Variants in LMTK3 observed in about 807,000 individuals in gnomAD.
The protein encoded by LMTK3 is serine/threonine-protein kinase LMTK3.
LMTK3 carries 27 observed loss-of-function variants against 116.7 expected under a neutral mutation model. That is an observed-to-expected ratio of 0.23 (90% CI 0.17 to 0.32). The LOEUF (loss-of-function observed/expected upper bound fraction) is 0.32. Ranked by LOEUF, LMTK3 falls within the 10% of genes least tolerant of loss-of-function variation. The pLI, the probability that LMTK3 is intolerant of heterozygous loss-of-function variation, is 1.00. For synonymous variants in LMTK3, 965 were observed against 971.0 expected (o/e 0.99, Z 0.11); for missense variants, 1,764 against 2,068.5 (o/e 0.85, Z 2.86).
rs1972293113 is a variant in LMTK3 at position 48,494,621 on chromosome 19, A to G, written c.3677-512T>C. Among the ~76,000 whole-genome samples the G allele has an allele frequency of 6.6e-6, 1 of 151,720 alleles. No homozygotes were observed. The highest frequency in any genetic ancestry group is 2.4e-5 in the African/African-American group (1 of 41,240). On this transcript the variant is annotated intron_variant, in intron 11 of 14. Transcript: ENST00000600059. The surrounding 1 kb of genome is among the most constrained non-coding windows in gnomAD (Gnocchi z 4.0). Reference sequence around the variant, plus strand: ...TGGGATTACAGGCATGAGCCACCACACCCGGCCAGATCCACCTCTCTGAGC... The same window carrying G: ...TGGGATTACAGGCATGAGCCACCACGCCCGGCCAGATCCACCTCTCTGAGC...
In LMTK3 at chr19:48,497,943, C is replaced by T. The variant is rs771721210; in HGVS notation, c.3126G>A (p.Thr1042=). Residue 1042 remains threonine, a synonymous_variant, in exon 11 of 15, where the codon ACG becomes ACA. Transcript: ENST00000600059. The surrounding 1 kb of genome is among the most constrained non-coding windows in gnomAD (Gnocchi z 5.7). The part of the protein sequence containing the change: ...KTPESWGPAP[T]IGEPAPETSL... ...AGGTCTCTGGGGCTGGCTCCCCGAT[C>T]GTGGGGGCTGGACCCCAACTCTCGG... 1.3e-6 allele frequency: 2 copies of T among 1,555,444 alleles called. No individual in the cohort carries two copies. The highest frequency in any genetic ancestry group is 2.1e-5 in the Admixed American group (1 of 48,682).
At chr19:48,496,595 G>C (rs912065884) in intron 11 of LMTK3, among the ~76,000 whole-genome samples, 2 of 150,800 alleles carry the variant, frequency 1.3e-5, no homozygotes, top group Admixed American at 6.6e-5. Flanking sequence ...CACCCACCAT[G>C]CCCGGCCCAT....
At chr19:48,499,982 G>A in intron 10 of LMTK3, 65 bp from the exon 11 acceptor site, 2 of 1,460,886 alleles carry the variant, frequency 1.4e-6, no homozygotes, top group Non-Finnish European at 1.8e-6. Context: ...ACCCAGGGAG[G>A]GGACAGACAA....
chr19:48,498,688 C>T lies in LMTK3; in HGVS notation c.2381G>A (p.Gly794Asp). 6.5e-7 allele frequency: 1 copy of T among 1,535,750 alleles called. No individual in the cohort carries two copies. The highest frequency in any genetic ancestry group is 8.7e-7 in the Non-Finnish European group (1 of 1,145,582). ...SSPGPKPGDSGYETETPFSPE... is the reference protein window; with the variant it reads ...SSPGPKPGDSDYETETPFSPE... ...GGAAAAAGGGGTCTCGGTCTCGTAG[C>T]CGCTGTCCCCCGGCTTGGGGCCCGG... The change falls in exon 11 of 15, where the codon GGC becomes GAC. Residue 794 changes from glycine to aspartate, a missense_variant. Gly to Asp is a moderately conservative substitution (Grantham distance 94, BLOSUM62 -1). Around this residue, in one of 7 missense-constraint regions of LMTK3, gnomAD observed 1,028 missense variants for 1,050.6 expected, o/e 0.98. Transcript: ENST00000600059.
At chr19:48,502,709 C>A in intron 6 of LMTK3, 128 bp from the exon 7 acceptor site, 2 of 1,182,276 alleles carry the variant, frequency 1.7e-6, no homozygotes, top group Non-Finnish European at 2.3e-6. Context: ...CTGCTGCTTG[C>A]AGCAGGTAAT....
chr19:48,508,970 C>T lies in LMTK3; in HGVS notation c.439-1G>A. The T allele has an allele frequency of 6.3e-7, 1 of 1,599,330 alleles. No individual in the cohort carries two copies. On this transcript the variant is annotated splice_acceptor_variant, in intron 4 of 14. Transcript: ENST00000600059. LOFTEE classifies it high-confidence loss of function. ...CGGAGAAAATCTCTCCCAGGATCAC[C>T]TGGTCAAGGGGCACCCAGGAGTCAG...
At chr19:48,490,889 T>C (rs888269255) in intron 14 of LMTK3, among the ~76,000 whole-genome samples, 1 of 151,288 alleles carries the variant, frequency 6.6e-6, no homozygotes, top group Admixed American at 6.6e-5. Context: ...GGCTCGGGGG[T>C]TGGGGACGGC....
chr19:48,497,688 G>A lies in LMTK3; in HGVS notation c.3381C>T (p.Pro1127=), dbSNP rs1972357073. Residue 1127 remains proline (P), a synonymous_variant, in exon 11 of 15, where the codon CCC becomes CCT. Coordinates refer to ENST00000600059, the MANE Select transcript of LMTK3 (RefSeq NM_001388485.1). This position sits in a 1 kb window ranked among gnomAD's most constrained non-coding sequence, Gnocchi z 5.7. ...VGTGTAPGGG[P]GSGVDAKAGW... is the part of the protein sequence containing the mutation. Reference sequence around the variant, plus strand: ...CGGCCTTTGCGTCCACGCCGCTTCCGGGGCCGCCGCCGGGGGCCGTCCCCG... The same window carrying A: ...CGGCCTTTGCGTCCACGCCGCTTCCAGGGCCGCCGCCGGGGGCCGTCCCCG... The A allele has an allele frequency of 3.8e-6, 5 of 1,312,972 alleles. No individual in the cohort carries two copies. The highest frequency in any genetic ancestry group is 2.3e-5 in the South Asian group (1 of 42,950). 81.3% of individuals were successfully genotyped at this position (1,312,972 alleles called of 1,614,324 possible).
In LMTK3 at chr19:48,497,306, G is replaced by T; in HGVS notation, c.3676+87C>A. ...GACCTGCATTCATCACTGCCAGCCC[G>T]ACCCGACATGTTTACCCACACTCAC... On this transcript the variant is annotated intron_variant, in intron 11 of 14. Transcript: ENST00000600059. This position sits in a 1 kb window ranked among gnomAD's most constrained non-coding sequence, Gnocchi z 5.7. 2.2e-6 allele frequency: 3 copies of T among 1,343,604 alleles called. No individual in the cohort carries two copies. The South Asian group carries it at 6.2e-5, about 28-fold the overall frequency. The allele number at this position is 1,343,604 out of a possible 1,614,324, so 83.2% of individuals were successfully genotyped here. A position where few individuals can be genotyped will look rare whatever the true frequency, so the allele number is the denominator to read the frequency against.
In LMTK3 at chr19:48,498,517, G is replaced by A; in HGVS notation, c.2552C>T (p.Pro851Leu). Residue 851 changes from proline (P) to leucine (L), a missense_variant, in exon 11 of 15, where the codon CCG becomes CTG. By Grantham distance (98) the Pro-to-Leu change is moderately conservative. Transcript: ENST00000600059. ...CGTGCTCACTTGAACCACGAAGGTC[G>A]GCTTCTCCCGGGGCCCCGGGAGTGG... ...PLPLPGPREKPTFVVQVSTEQ... is the reference protein window; with the variant it reads ...PLPLPGPREKLTFVVQVSTEQ... The A allele has an allele frequency of 6.3e-7, 1 of 1,580,772 alleles. No homozygotes were observed. Among genetic ancestry groups the A allele is most frequent in the Non-Finnish European group, 8.6e-7 (1 of 1,163,140 alleles).
chr19:48,504,177 G>A (rs935615484), intron 5 of LMTK3, among the ~76,000 whole-genome samples: 2 of 152,080 alleles, frequency 1.3e-5, no homozygotes, highest in African/African-American at 2.4e-5. Flanking sequence ...CTGCACCTAC[G>A]GTTCTCTCTC....
At chr19:48,510,894 G>A (rs1289718834) in intron 1 of LMTK3, among the ~76,000 whole-genome samples, 2 of 152,188 alleles carry the variant, frequency 1.3e-5, no homozygotes, top group Non-Finnish European at 2.9e-5. Flanking sequence ...AAGGAAAGAG[G>A]AGTGATAGTG....
chr19:48,485,877 C>T (rs1972114219), intron 14 of LMTK3, 88 bp from the exon 15 acceptor site: 2 of 1,349,418 alleles, frequency 1.5e-6, no homozygotes, highest in African/African-American at 2.9e-5. Flanking sequence ...AAGCAAAGCC[C>T]TCACCCACCA....
chr19:48,504,735 A>C (rs1203799145), intron 5 of LMTK3, among the ~76,000 whole-genome samples: 8 of 152,226 alleles, frequency 5.3e-5, no homozygotes, highest in South Asian at 2.1e-4. Flanking sequence ...TTTAGTAGAT[A>C]ATGGGTTTCA....
intron 14 of LMTK3, among the ~76,000 whole-genome samples, chr19:48,486,015 A>G (rs1196360668): frequency 5.0e-5 from 7 of 140,934 alleles, no homozygotes; most frequent in Non-Finnish European, 7.6e-5. Flanking sequence ...GGGTCTTTGC[A>G]CATGCTGTTC....
At chr19:48,487,990 G>C (rs1972155540) in intron 14 of LMTK3, among the ~76,000 whole-genome samples, 1 of 152,100 alleles carries the variant, frequency 6.6e-6, no homozygotes, top group Non-Finnish European at 1.5e-5. Flanking sequence ...CCACACCATG[G>C]TCTTGGGAGC....
chr19:48,487,369 T>C (rs1470805535), intron 14 of LMTK3, among the ~76,000 whole-genome samples: 1 of 151,826 alleles, frequency 6.6e-6, no homozygotes, highest in Non-Finnish European at 1.5e-5. Flanking sequence ...ACAGACGGGG[T>C]TTCACCATGT....
At chr19:48,503,555 C>T (rs1418707145) in intron 5 of LMTK3, among the ~76,000 whole-genome samples, 3 of 152,046 alleles carry the variant, frequency 2.0e-5, no homozygotes. Flanking sequence ...GTCTTCTCCT[C>T]CTCGTCCCCA....
At chr19:48,489,899 A>G (rs1972192429) in intron 14 of LMTK3, among the ~76,000 whole-genome samples, 2 of 152,196 alleles carry the variant, frequency 1.3e-5, no homozygotes, top group Non-Finnish European at 2.9e-5. Flanking sequence ...CGAGCTGGGC[A>G]CAAGCCCTGG....
Sources: allele counts gnomAD v4.1 joint callset (sites outside exome capture counted in the v4.1 genomes callset), GRCh38; gene constraint gnomAD v4.1.1; regional missense constraint gnomAD v4.1.1; non-coding constraint Gnocchi (gnomAD v3.1); transcripts MANE v1.5; gene names NCBI Gene and HGNC (gene_info 2026-07-23, HGNC 2026-07-21).